The following FOXP2 variants were observed in gnomAD, a reference collection of about 807,000 sequenced individuals.
FOXP2 encodes forkhead box protein P2.
Under a neutral mutation model 115.8 loss-of-function variants are expected in FOXP2, and 12 were observed. That is an observed-to-expected ratio of 0.10 (90% CI 0.07 to 0.17). The LOEUF (loss-of-function observed/expected upper bound fraction) is 0.17, where lower values mean the gene tolerates loss of function less well. Among genes scored for constraint, FOXP2 ranks in the 10% least tolerant of loss-of-function variants. The probability of loss-of-function intolerance (pLI) is 1.00; values close to 1 mark genes in which losing one functional copy is unlikely to be tolerated. For synonymous variants in FOXP2, 328 were observed against 297.7 expected (o/e 1.10, Z -1.05); for missense variants, 629 against 843.5 (o/e 0.75, Z 3.15).
At chr7:114,235,670 T>C (rs1336806992) in intron 1 of FOXP2, among the ~76,000 whole-genome samples, 1 of 152,188 alleles carries the variant, frequency 6.6e-6, no homozygotes, top group Non-Finnish European at 1.5e-5. Context: ...CTGTTCTCAA[T>C]CATGAACACC....
intron 3 of FOXP2, among the ~76,000 whole-genome samples, chr7:114,550,013 T>G (rs983722087): frequency 2.8e-4 from 42 of 151,980 alleles, no homozygotes; most frequent in Admixed American, 3.9e-4. Context: ...GCCAGTAAGT[T>G]AAACTCTTAA....
chr7:114,522,885 CT>C (rs1349351893), intron 2 of FOXP2, among the ~76,000 whole-genome samples: 1 of 151,974 alleles, frequency 6.6e-6, no homozygotes, highest in Non-Finnish European at 1.5e-5. Flanking sequence ...TAAAATGTAT[CT>C]TTGTGAATTG....
intron 8 of FOXP2, chr7:114,645,959 A>G (rs1372563046): frequency 6.6e-6 from 1 of 151,644 alleles, no homozygotes; most frequent in Non-Finnish European, 1.5e-5. Flanking sequence ...CTTTTCTTTT[A>G]TCAAAACAGT....
intron 3 of FOXP2, among the ~76,000 whole-genome samples, chr7:114,542,056 T>C (rs960534487): frequency 6.6e-6 from 1 of 152,096 alleles, no homozygotes; most frequent in African/African-American, 2.4e-5. Context: ...TTTAAGATTA[T>C]TTGTGTTTCC....
At chr7:114,634,120 C>T (rs571719673) in intron 6 of FOXP2, among the ~76,000 whole-genome samples, 117 of 152,046 alleles carry the variant, frequency 7.7e-4, no homozygotes, top group African/African-American at 2.7e-3. Flanking sequence ...CTCAGCTTTC[C>T]GAGTAGCTGC....
chr7:114,200,981 C>G (rs1043129216), intron 1 of FOXP2, among the ~76,000 whole-genome samples: 1 of 151,956 alleles, frequency 6.6e-6, no homozygotes, highest in Non-Finnish European at 1.5e-5. Context: ...ATGGTGAAAC[C>G]CTGTTTCTAC....
chr7:114,458,016 A>G (rs1795395055), intron 2 of FOXP2, among the ~76,000 whole-genome samples: 1 of 152,260 alleles, frequency 6.6e-6, no homozygotes, highest in Non-Finnish European at 1.5e-5. Context: ...TTTAAAAATA[A>G]GTAATATATT....
intron 3 of FOXP2, among the ~76,000 whole-genome samples, chr7:114,609,688 T>G (rs1014598810): frequency 6.6e-6 from 1 of 152,194 alleles, no homozygotes; most frequent in African/African-American, 2.4e-5. Flanking sequence ...TGAACCTTTT[T>G]GCCAGTGTCA....
intron 1 of FOXP2, among the ~76,000 whole-genome samples, chr7:114,176,262 C>G (rs1793295448): frequency 7.7e-6 from 1 of 130,082 alleles, no homozygotes; most frequent in Non-Finnish European, 1.5e-5. Context: ...CTCTCTCTTT[C>G]CCTTTCTTTC....
At chr7:114,115,733 A>G (rs1023197019) in intron 1 of FOXP2, among the ~76,000 whole-genome samples, 6 of 152,066 alleles carry the variant, frequency 3.9e-5, no homozygotes, top group African/African-American at 1.4e-4. Flanking sequence ...GTTCATAATG[A>G]CACATTCATC....
intron 2 of FOXP2, among the ~76,000 whole-genome samples, chr7:114,303,540 C>T (rs951695741): frequency 6.6e-6 from 1 of 152,070 alleles, no homozygotes; most frequent in Non-Finnish European, 1.5e-5. Flanking sequence ...ATTTTCCTTA[C>T]CTCTTTTCTT....
At chr7:114,099,695 G>A (rs1170543819) in intron 1 of FOXP2, among the ~76,000 whole-genome samples, 1 of 152,150 alleles carries the variant, frequency 6.6e-6, no homozygotes, top group African/African-American at 2.4e-5. Context: ...ATTGGTTCCA[G>A]GACCTCCCTT....
chr7:114,162,621 CA>C (rs1792873204), upstream of FOXP2, among the ~76,000 whole-genome samples: 1 of 151,672 alleles, frequency 6.6e-6, no homozygotes, highest in African/African-American at 2.4e-5. Flanking sequence ...CATTCAAACT[CA>C]CGGATTTGCA....
chr7:114,465,910 C>G lies in FOXP2; in HGVS notation c.168+39231C>G. The stretch of plus-strand genomic sequence containing the variant: ...AGTCAGACTTCTCCAGAAATCACTC[C>G]CTTCCCTCCCATCTGTTGAGGCTCA... On this transcript the variant is annotated intron_variant, in intron 2 of 16. Transcript: ENST00000350908. Among the ~76,000 whole-genome samples, 2 of 152,154 alleles carry G rather than the reference C, an allele frequency of 1.3e-5. 1 individual carries two copies. Among genetic ancestry groups the G allele is most frequent in the Admixed American group, 1.3e-4 (2 of 15,270 alleles).
intron 6 of FOXP2, among the ~76,000 whole-genome samples, chr7:114,639,191 C>A (rs944291306): frequency 6.6e-6 from 1 of 152,148 alleles, no homozygotes; most frequent in Non-Finnish European, 1.5e-5. Flanking sequence ...GCCACTCAAT[C>A]TATGTTAGAA....
chr7:114,285,448 G>A (rs899732567), intron 1 of FOXP2: 1 of 152,096 alleles, frequency 6.6e-6, no homozygotes, highest in African/African-American at 2.4e-5. Context: ...AAGTTTGTGG[G>A]AGAGAAAGGT....
chr7:114,450,473 A>G (rs1296408943), intron 2 of FOXP2, among the ~76,000 whole-genome samples: 3 of 152,124 alleles, frequency 2.0e-5, no homozygotes, highest in Admixed American at 2.0e-4. Flanking sequence ...AAATATGAGT[A>G]TATAATTTCT....
chr7:114,112,474 T>G (rs1176438406), intron 1 of FOXP2, among the ~76,000 whole-genome samples: 3 of 151,940 alleles, frequency 2.0e-5, no homozygotes, highest in Non-Finnish European at 4.4e-5. Context: ...AATTTTTGTG[T>G]TTTTTGTAGA....
At chr7:114,163,672 A>T (rs548474046) in intron 1 of FOXP2, among the ~76,000 whole-genome samples, 254 of 152,318 alleles carry the variant, frequency 1.7e-3, no homozygotes, top group South Asian at 5.0e-3. Flanking sequence ...TGTATTAATG[A>T]TTATATAGAA....
Sources: gnomAD v4.1 joint callset for allele counts (sites outside exome capture counted in the v4.1 genomes callset) on GRCh38, gnomAD v4.1.1 for gene constraint, MANE v1.5 for transcripts, NCBI Gene and HGNC (gene_info 2026-07-23, HGNC 2026-07-21) for gene names.